HS2ST1: variants seen among roughly 807,000 people sequenced by gnomAD.
HS2ST1 encodes heparan sulfate 2-O-sulfotransferase 1, also known as 2-O-sulfotransferase.
HS2ST1 carries 18 observed loss-of-function variants against 42.9 expected under a neutral mutation model. The observed-to-expected ratio is 0.42, with a 90% CI of 0.29 to 0.62. The LOEUF (loss-of-function observed/expected upper bound fraction) is 0.62, where lower values mean the gene tolerates loss of function less well. Ranked by LOEUF, HS2ST1 falls within the 20% of genes least tolerant of loss-of-function variation. HS2ST1 has a pLI of 0.21. For missense variants in HS2ST1, 334 were observed against 433.8 expected, an observed-to-expected ratio of 0.77 and a Z score of 2.04; for synonymous variants, 146 against 152.9, an observed-to-expected ratio of 0.95 and a Z score of 0.33.
At chr1:87,090,257 C>G (rs572639011) in intron 3 of HS2ST1, among the ~76,000 whole-genome samples, 1 of 152,120 alleles carries the variant, frequency 6.6e-6, no homozygotes, top group South Asian at 2.1e-4. Flanking sequence ...GGGCACAGTG[C>G]TGAGCATTAG....
At chr1:87,103,707 G>A in intron 6 of HS2ST1, 118 bp downstream of exon 6, 1 of 817,674 alleles carries the variant, frequency 1.2e-6, no homozygotes, top group Non-Finnish European at 1.8e-6. Context: ...CTCCAGAAAG[G>A]CAGGTATCTT....
At chr1:87,055,689 A>G (rs1196911937) in intron 1 of HS2ST1, among the ~76,000 whole-genome samples, 1 of 152,164 alleles carries the variant, frequency 6.6e-6, no homozygotes, top group Non-Finnish European at 1.5e-5. Context: ...GTTCACAATC[A>G]TTTTCATAAT....
chr1:87,033,473 G>A (rs889661408), intron 1 of HS2ST1, among the ~76,000 whole-genome samples: 2 of 152,138 alleles, frequency 1.3e-5, no homozygotes, highest in African/African-American at 4.8e-5. Flanking sequence ...TCCATAGTAA[G>A]AACCTGAAAT....
chr1:87,072,449 C>A (rs990417234), intron 1 of HS2ST1, among the ~76,000 whole-genome samples: 3 of 152,118 alleles, frequency 2.0e-5, no homozygotes, highest in African/African-American at 7.2e-5. Context: ...TAAGTAATTT[C>A]TCTTTTAAGT....
At chr1:86,929,680 C>G (rs1660501170) in intron 1 of HS2ST1, among the ~76,000 whole-genome samples, 1 of 151,560 alleles carries the variant, frequency 6.6e-6, no homozygotes, top group Non-Finnish European at 1.5e-5. Flanking sequence ...TCTTTGGCCT[C>G]TAAATTTTTA....
At chr1:87,090,744 C>T (rs1488583827) in intron 3 of HS2ST1, among the ~76,000 whole-genome samples, 1 of 151,936 alleles carries the variant, frequency 6.6e-6, no homozygotes, top group Non-Finnish European at 1.5e-5. Flanking sequence ...ACACAGTCTG[C>T]ACTCACTCCA....
intron 1 of HS2ST1, among the ~76,000 whole-genome samples, chr1:86,999,027 T>C (rs1649192971): frequency 6.6e-6 from 1 of 152,206 alleles, no homozygotes; most frequent in African/African-American, 2.4e-5. Flanking sequence ...CTAGTGCTTA[T>C]ACTTCATCTA....
chr1:87,002,809 C>T lies in HS2ST1; in HGVS notation c.125-70125C>T, dbSNP rs185527029. Among the ~76,000 whole-genome samples, 210 of 152,102 alleles carry T rather than the reference C, an allele frequency of 1.4e-3. 2 individuals carry two copies. Among genetic ancestry groups the T allele is most frequent in the African/African-American group, 4.8e-3 (199 of 41,494 alleles). On this transcript the variant is annotated intron_variant, in intron 1 of 6. Coordinates refer to ENST00000370550, the MANE Select transcript of HS2ST1 (RefSeq NM_012262.4). The stretch of plus-strand genomic sequence containing the variant: ...ACCCTGAAAATCCTTGACTCCTGAT[C>T]GGACGTTTTGGGAGTCATCTAAAGC...
chr1:86,938,774 G>C (rs1479836309), intron 1 of HS2ST1, among the ~76,000 whole-genome samples: 1 of 152,138 alleles, frequency 6.6e-6, no homozygotes, highest in Non-Finnish European at 1.5e-5. Flanking sequence ...AATAATGTGG[G>C]TAACTGATTA....
intron 1 of HS2ST1, among the ~76,000 whole-genome samples, chr1:87,067,079 A>G (rs1217275334): frequency 6.6e-6 from 1 of 152,194 alleles, no homozygotes. Context: ...TCCTTTGGGT[A>G]TATACCCAGT....
intron 1 of HS2ST1, among the ~76,000 whole-genome samples, chr1:86,930,372 A>G (rs1392477661): frequency 6.6e-6 from 1 of 151,924 alleles, no homozygotes; most frequent in African/African-American, 2.4e-5. Context: ...TCATTTCTTA[A>G]TGACTTTACC....
chr1:86,939,490 G>A (rs1187639824), intron 1 of HS2ST1, among the ~76,000 whole-genome samples: 1 of 152,172 alleles, frequency 6.6e-6, no homozygotes, highest in Non-Finnish European at 1.5e-5. Context: ...ATGTACTTAT[G>A]TTTTCACCTT....
At chr1:86,958,321 A>G (rs1647733044) in intron 1 of HS2ST1, 1 of 152,248 alleles carries the variant, frequency 6.6e-6, no homozygotes, top group African/African-American at 2.4e-5. Context: ...TGTTACAATA[A>G]AGTAGCTAGA....
At chr1:86,987,517 C>G (rs184228600) in intron 1 of HS2ST1, among the ~76,000 whole-genome samples, 58 of 152,234 alleles carry the variant, frequency 3.8e-4, no homozygotes, top group African/African-American at 1.3e-3. Context: ...CAGAATCAGC[C>G]TAAGGAGGTG....
intron 1 of HS2ST1, among the ~76,000 whole-genome samples, chr1:87,009,186 A>G (rs1467326265): frequency 6.6e-6 from 1 of 152,224 alleles, no homozygotes; most frequent in East Asian, 1.9e-4. Context: ...GCGAATTCCT[A>G]GCTTGTCACT....
chr1:86,916,598 C>G (rs1280930381), intron 1 of HS2ST1, among the ~76,000 whole-genome samples: 1 of 152,098 alleles, frequency 6.6e-6, no homozygotes, highest in Non-Finnish European at 1.5e-5. Context: ...AAGAGATACT[C>G]AGTTTATTTA....
intron 1 of HS2ST1, chr1:87,045,829 C>T (rs1208058903): frequency 1.3e-6 from 1 of 754,526 alleles, no homozygotes; most frequent in Non-Finnish European, 2.4e-6. Flanking sequence ...CATGTGAGCT[C>T]AGCTCCATCC....
intron 1 of HS2ST1, among the ~76,000 whole-genome samples, chr1:87,025,905 A>G (rs1218472135): frequency 6.6e-6 from 1 of 152,222 alleles, no homozygotes; most frequent in Admixed American, 6.5e-5. Flanking sequence ...GTTACTGAGT[A>G]AAATTGCTAG....
chr1:87,092,196 A>T (rs1017911400), intron 3 of HS2ST1, among the ~76,000 whole-genome samples: 28 of 151,996 alleles, frequency 1.8e-4, no homozygotes, highest in African/African-American at 6.8e-4. Flanking sequence ...TTGAGAGGGG[A>T]TTTTCTACTT....
Sources: gnomAD v4.1 joint callset for allele counts (sites outside exome capture counted in the v4.1 genomes callset) on GRCh38, gnomAD v4.1.1 for gene constraint, MANE v1.5 for transcripts, NCBI Gene and HGNC (gene_info 2026-07-23, HGNC 2026-07-21) for gene names.